The following PRKAG2 variants were observed in gnomAD, a reference collection of about 807,000 sequenced individuals.
PRKAG2 encodes protein kinase AMP-activated non-catalytic subunit gamma 2.
A neutral mutation model predicts 69.6 loss-of-function variants in PRKAG2; 26 were observed. The ratio of observed to expected loss-of-function variants is 0.37; its 90% CI spans 0.27 to 0.52. The LOEUF is 0.52. Among genes scored for constraint, PRKAG2 ranks in the 20% least tolerant of loss-of-function variants. The pLI, the probability that PRKAG2 is intolerant of heterozygous loss-of-function variation, is 0.90. For missense variants in PRKAG2, 557 were observed against 740.0 expected, an observed-to-expected ratio of 0.75 and a Z score of 2.87; for synonymous variants, 293 against 285.0, an observed-to-expected ratio of 1.03 and a Z score of -0.28.
intron 1 of PRKAG2, among the ~76,000 whole-genome samples, chr7:151,821,125 C>G (rs2078769392): frequency 1.3e-4 from 1 of 7,970 alleles, no homozygotes; most frequent in African/African-American, 4.7e-4. Flanking sequence ...CAGCCACCAT[C>G]ATAGAAGTTT....
At chr7:151,643,404 AC>A (rs1402252464) in intron 4 of PRKAG2, among the ~76,000 whole-genome samples, 1 of 152,116 alleles carries the variant, frequency 6.6e-6, no homozygotes, top group Non-Finnish European at 1.5e-5. Flanking sequence ...CCTGCAACTG[AC>A]CTATTCATTA....
chr7:151,727,154 A>G (rs1212776491), intron 3 of PRKAG2, among the ~76,000 whole-genome samples: 1 of 152,062 alleles, frequency 6.6e-6, no homozygotes, highest in African/African-American at 2.4e-5. Context: ...GGCGGAGGTT[A>G]CAGTGAGCCA....
chr7:151,697,983 T>G (rs969910388), intron 3 of PRKAG2, among the ~76,000 whole-genome samples: 1 of 151,494 alleles, frequency 6.6e-6, no homozygotes, highest in Admixed American at 6.6e-5. Flanking sequence ...CAGAGGGAGG[T>G]GCATTTTTGT....
chr7:151,702,034 T>C (rs757861852), intron 3 of PRKAG2, among the ~76,000 whole-genome samples: 1 of 152,026 alleles, frequency 6.6e-6, no homozygotes, highest in Non-Finnish European at 1.5e-5. Flanking sequence ...GGTGCTCTGT[T>C]GTGTATGGTA....
intron 5 of PRKAG2, among the ~76,000 whole-genome samples, chr7:151,604,765 C>G (rs139295659): frequency 3.3e-5 from 5 of 152,314 alleles, no homozygotes; most frequent in African/African-American, 1.2e-4. Context: ...CAGGATTCCA[C>G]ATGATGGTCG....
rs187641720 is a variant in PRKAG2, at chr7:151,722,289, T to C, written c.467-46652A>G. 7.0e-4 allele frequency among the ~76,000 whole-genome samples: 107 copies of C among 152,300 alleles called. 1 individual carries two copies. Among genetic ancestry groups the C allele is most frequent in the South Asian group, 2.7e-3 (13 of 4,792 alleles). On this transcript the variant is annotated intron_variant, in intron 3 of 15. Transcript: ENST00000287878. Reference sequence around the variant, plus strand: ...TAGCACCCTTCCTCCTGACGAGCTATGTTCAGGGGAGCGTTAGTTCGTTAC... The same window carrying C: ...TAGCACCCTTCCTCCTGACGAGCTACGTTCAGGGGAGCGTTAGTTCGTTAC...
intron 3 of PRKAG2, among the ~76,000 whole-genome samples, chr7:151,728,156 C>T (rs552749465): frequency 1.9e-4 from 29 of 152,268 alleles, no homozygotes; most frequent in African/African-American, 6.0e-4. Flanking sequence ...ATGAGACACC[C>T]GGAGGCCAGC....
rs537219742 is a variant in PRKAG2, at chr7:151,688,049, C to G, written c.467-12412G>C. Among the ~76,000 whole-genome samples the G allele has an allele frequency of 8.3e-5, 12 of 144,518 alleles. 1 individual carries two copies. In the East Asian group the frequency reaches 1.0e-3, roughly 12 times the overall value. The allele number at this position is 144,518 out of a possible 152,430, so 94.8% of individuals were successfully genotyped here. A position where few individuals can be genotyped will look rare whatever the true frequency, so the allele number is the denominator to read the frequency against. ...GGAGGAGGAGGAAATGAGGCCCCCCCCCGGGCTCCTTGCTGAGTCAGCATG... is the reference window on the plus strand; with the variant it reads ...GGAGGAGGAGGAAATGAGGCCCCCCGCCGGGCTCCTTGCTGAGTCAGCATG... On this transcript the variant is annotated intron_variant, in intron 3 of 15. Transcript: ENST00000287878.
chr7:151,770,191 A>C (rs2075953291), intron 3 of PRKAG2, among the ~76,000 whole-genome samples: 1 of 152,206 alleles, frequency 6.6e-6, no homozygotes, highest in Non-Finnish European at 1.5e-5. Flanking sequence ...ACAACCGACC[A>C]GCATTCCTTC....
chr7:151,826,841 C>T (rs1482213831), intron 1 of PRKAG2, among the ~76,000 whole-genome samples: 1 of 152,194 alleles, frequency 6.6e-6, no homozygotes, highest in Admixed American at 6.5e-5. Context: ...TTCTCTCCTG[C>T]TTCCTAATTG....
intron 3 of PRKAG2, among the ~76,000 whole-genome samples, chr7:151,740,500 C>G: frequency 6.6e-6 from 1 of 152,232 alleles, no homozygotes; most frequent in East Asian, 1.9e-4. Flanking sequence ...TTATTCAATT[C>G]TCCTCCAGTG....
At chr7:151,618,955 G>A (rs1820828561) in intron 5 of PRKAG2, among the ~76,000 whole-genome samples, 1 of 151,960 alleles carries the variant, frequency 6.6e-6, no homozygotes, top group African/African-American at 2.4e-5. Flanking sequence ...GGGCAAATGT[G>A]TACACGGGCG....
chr7:151,588,804 C>T (rs1006621360), intron 6 of PRKAG2, among the ~76,000 whole-genome samples: 1 of 152,204 alleles, frequency 6.6e-6, no homozygotes, highest in Non-Finnish European at 1.5e-5. Flanking sequence ...TCCATTAAAT[C>T]TCTTTTCCTT....
chr7:151,754,439 A>G (rs1309360534), intron 3 of PRKAG2, among the ~76,000 whole-genome samples: 1 of 152,258 alleles, frequency 6.6e-6, no homozygotes, highest in African/African-American at 2.4e-5. Context: ...AGACCTCATC[A>G]GCTGCCCTGG....
chr7:151,636,095 C>T (rs984859502), intron 4 of PRKAG2, among the ~76,000 whole-genome samples: 4 of 152,050 alleles, frequency 2.6e-5, no homozygotes, highest in Non-Finnish European at 5.9e-5. Flanking sequence ...TCGTGATCCA[C>T]CCGCCTCAGA....
intron 3 of PRKAG2, among the ~76,000 whole-genome samples, chr7:151,688,978 C>T (rs893831090): frequency 1.3e-5 from 2 of 152,128 alleles, no homozygotes; most frequent in African/African-American, 4.8e-5. Flanking sequence ...GCACCCTGAA[C>T]CTCCAAACTC....
chr7:151,862,386 G>C (rs555236967), intron 1 of PRKAG2, among the ~76,000 whole-genome samples: 39 of 152,304 alleles, frequency 2.6e-4, no homozygotes, highest in African/African-American at 9.4e-4. Flanking sequence ...TTCTCTTTGA[G>C]GTATGTGGCT....
chr7:151,664,326 G>A (rs550715349), intron 4 of PRKAG2, among the ~76,000 whole-genome samples: 13 of 152,210 alleles, frequency 8.5e-5, no homozygotes, highest in African/African-American at 2.6e-4. Flanking sequence ...AGATAAATCC[G>A]ATATTCCCAT....
chr7:151,799,265 C>A (rs184383993), intron 1 of PRKAG2, among the ~76,000 whole-genome samples: 66 of 152,316 alleles, frequency 4.3e-4, no homozygotes, highest in African/African-American at 1.5e-3. Flanking sequence ...CAGCCAGAAC[C>A]AAATCCTGGT....
Sources: allele counts gnomAD v4.1 joint callset (sites outside exome capture counted in the v4.1 genomes callset), GRCh38; gene constraint gnomAD v4.1.1; transcripts MANE v1.5; gene names NCBI Gene and HGNC (gene_info 2026-07-23, HGNC 2026-07-21).